The following CTNNA3 variants were observed in gnomAD, a reference collection of about 807,000 sequenced individuals.
CTNNA3 encodes the protein catenin alpha 3, also known as catenin alpha-3.
CTNNA3 carries 76 observed loss-of-function variants against 95.7 expected under a neutral mutation model. The observed-to-expected ratio is 0.79, with a 90% CI of 0.66 to 0.96. The LOEUF is 0.96. CTNNA3 is among the 40% of genes least tolerant of loss of function. CTNNA3 has a pLI of 0.00. For synonymous variants in CTNNA3, 431 were observed against 374.4 expected (o/e 1.15, Z -1.74); for missense variants, 1,191 against 1,089.8 (o/e 1.09, Z -1.31).
intron 1 of CTNNA3, among the ~76,000 whole-genome samples, chr10:67,736,395 T>C (rs1841302360): frequency 6.6e-6 from 1 of 151,962 alleles, no homozygotes; most frequent in African/African-American, 2.4e-5. Context: ...TGTTCCTGAA[T>C]AGTTCAATAA....
At chr10:67,323,758 T>C (rs1841423976) in intron 5 of CTNNA3, among the ~76,000 whole-genome samples, 1 of 152,134 alleles carries the variant, frequency 6.6e-6, no homozygotes, top group Non-Finnish European at 1.5e-5. Context: ...AATGGTAGTT[T>C]AATAGAAATA....
intron 15 of CTNNA3, among the ~76,000 whole-genome samples, chr10:65,995,178 T>C (rs1364136555): frequency 6.6e-6 from 1 of 152,204 alleles, no homozygotes; most frequent in Non-Finnish European, 1.5e-5. Context: ...TTGTAATATC[T>C]TGCTGGACAA....
chr10:66,572,385 A>C (rs541535005), intron 10 of CTNNA3, among the ~76,000 whole-genome samples: 2 of 151,862 alleles, frequency 1.3e-5, no homozygotes, highest in Admixed American at 1.3e-4. Context: ...CTGTCTTAAA[A>C]AAAAAAAAAA....
chr10:66,912,154 T>C (rs1846250848), intron 7 of CTNNA3, among the ~76,000 whole-genome samples: 1 of 152,170 alleles, frequency 6.6e-6, no homozygotes, highest in Non-Finnish European at 1.5e-5. Flanking sequence ...TGGTTGCCTA[T>C]TTGAAGTTTA....
rs10527642 is a variant in CTNNA3, at chr10:66,635,990, C to CTGTGTG, written c.1282-14212_1282-14207dup. Among the ~76,000 whole-genome samples the CTGTGTG allele has an allele frequency of 5.3e-3, 767 of 145,932 alleles. 3 individuals carry two copies. Among genetic ancestry groups the CTGTGTG allele is most frequent in the East Asian group, 0.017 (83 of 4,774 alleles). ...ATGAGTGAAACAAATTGGAAGAACA[C>CTGTGTG]TGTGTGTGTGTGTGTGTGTGTGTGT... On this transcript the variant is annotated intron_variant, in intron 9 of 17. Coordinates refer to ENST00000433211, the MANE Select transcript of CTNNA3 (RefSeq NM_013266.4).
chr10:66,495,073 G>A (rs2441746), intron 11 of CTNNA3, among the ~76,000 whole-genome samples: 36,738 of 151,952 alleles, frequency 0.24, 8,339 homozygotes, highest in East Asian at 0.84. Flanking sequence ...ACCAATCAGT[G>A]CCAAATATTT....
intron 10 of CTNNA3, among the ~76,000 whole-genome samples, chr10:66,579,066 G>A (rs1843101062): frequency 6.6e-6 from 1 of 151,250 alleles, no homozygotes; most frequent in Non-Finnish European, 1.5e-5. Flanking sequence ...CAGTTCTTGG[G>A]AGGGTGAATT....
intron 17 of CTNNA3, among the ~76,000 whole-genome samples, chr10:65,923,963 T>G (rs944600500): frequency 2.6e-5 from 4 of 152,116 alleles, no homozygotes; most frequent in African/African-American, 9.7e-5. Context: ...ACATTTTATA[T>G]CCCGTAAAAA....
intron 9 of CTNNA3, among the ~76,000 whole-genome samples, chr10:66,761,245 A>G (rs1279434613): frequency 6.6e-6 from 1 of 152,100 alleles, no homozygotes; most frequent in Non-Finnish European, 1.5e-5. Flanking sequence ...GCGAGTGGGA[A>G]CAATCAGCTT....
intron 5 of CTNNA3, among the ~76,000 whole-genome samples, chr10:67,309,010 A>C (rs1840672749): frequency 6.6e-6 from 1 of 152,166 alleles, no homozygotes; most frequent in Non-Finnish European, 1.5e-5. Context: ...TGCTCATATA[A>C]TTGTGACTGC....
intron 13 of CTNNA3, among the ~76,000 whole-genome samples, chr10:66,205,904 C>T (rs540675772): frequency 8.6e-5 from 13 of 151,706 alleles, no homozygotes; most frequent in African/African-American, 2.7e-4. Context: ...TAAATACAAA[C>T]GTCACCATTT....
At chr10:66,539,824 C>T (rs1841785898) in intron 10 of CTNNA3, among the ~76,000 whole-genome samples, 2 of 152,088 alleles carry the variant, frequency 1.3e-5, no homozygotes, top group African/African-American at 4.8e-5. Flanking sequence ...TCAGGTTCTA[C>T]CCCAGACCTA....
At chr10:67,517,548 T>C (rs1758156558) in intron 5 of CTNNA3, among the ~76,000 whole-genome samples, 1 of 152,130 alleles carries the variant, frequency 6.6e-6, no homozygotes, top group South Asian at 2.1e-4. Flanking sequence ...CTGAGCATCG[T>C]CACTAAAAAA....
intron 9 of CTNNA3, among the ~76,000 whole-genome samples, chr10:66,759,736 G>T (rs1839528713): frequency 6.6e-6 from 1 of 152,024 alleles, no homozygotes; most frequent in Non-Finnish European, 1.5e-5. Context: ...ATGTGGCCAG[G>T]GTAGATTAAG....
rs1564756780 is a variant in CTNNA3, at chr10:66,199,816, T to TAA, written c.1884+80653_1884+80654insTT. Among the ~76,000 whole-genome samples, 56 of 99,784 alleles carry TAA rather than the reference T, an allele frequency of 5.6e-4. 1 individual carries two copies. The highest frequency in any genetic ancestry group is 2.1e-3 in the African/African-American group (52 of 24,598). 65.5% of individuals were successfully genotyped at this position (99,784 alleles called of 152,430 possible). ...ATATATATATATATATTTTTTTTTT[T>TAA]TTTTTTTTTTTTTTTTTAGTAGAGA... On this transcript the variant is annotated intron_variant, in intron 13 of 17. Transcript: ENST00000433211.
intron 5 of CTNNA3, among the ~76,000 whole-genome samples, chr10:67,227,084 C>CTTTTTTTTTTTTTTTTTTTTTTT (rs113895568): frequency 6.9e-6 from 1 of 144,464 alleles, no homozygotes. Context: ...GCAAAGGTAG[C>CTTTTTTTTTTTTTTTTTTTTTTT]TTTTTTTTTC....
At chr10:66,422,933 T>G (rs1239994270) in intron 11 of CTNNA3, among the ~76,000 whole-genome samples, 1 of 151,844 alleles carries the variant, frequency 6.6e-6, no homozygotes, top group Non-Finnish European at 1.5e-5. Flanking sequence ...CCCAGCCAAA[T>G]TTCATTTTTA....
At chr10:66,794,257 CAT>C (rs1172454595) in intron 7 of CTNNA3, among the ~76,000 whole-genome samples, 1 of 152,072 alleles carries the variant, frequency 6.6e-6, no homozygotes, top group Non-Finnish European at 1.5e-5. Context: ...GGGAAAATGT[CAT>C]AGATAAAAAT....
chr10:66,084,145 AAAG>A (rs1168918152), intron 14 of CTNNA3, among the ~76,000 whole-genome samples: 5 of 130,942 alleles, frequency 3.8e-5, no homozygotes, highest in Admixed American at 1.6e-4. Flanking sequence ...CAAAAAAAAA[AAAG>A]AAAAAAAAAG....
Sources: allele counts gnomAD v4.1 joint callset (sites outside exome capture counted in the v4.1 genomes callset), GRCh38; gene constraint gnomAD v4.1.1; transcripts MANE v1.5; gene names NCBI Gene and HGNC (gene_info 2026-07-23, HGNC 2026-07-21).